TJP1: variants seen among roughly 807,000 people sequenced by gnomAD.
The protein encoded by TJP1 is tight junction protein 1.
In TJP1, 43 loss-of-function variants were observed where a neutral mutation model predicts 194.2. That is an observed-to-expected ratio of 0.22 (90% confidence interval 0.17 to 0.29). TJP1 has a LOEUF of 0.29. Ranked by LOEUF, TJP1 falls within the 10% of genes least tolerant of loss-of-function variation. The probability of loss-of-function intolerance (pLI) is 1.00; values close to 1 mark genes in which losing one functional copy is unlikely to be tolerated. For synonymous variants in TJP1, 801 were observed against 779.0 expected, an observed-to-expected ratio of 1.03 and a Z score of -0.47; for missense variants, 1,971 against 2,185.7, an observed-to-expected ratio of 0.90 and a Z score of 1.96.
At chr15:29,760,137 T>A in intron 8 of TJP1, 1 of 688,342 alleles carries the variant, frequency 1.5e-6, no homozygotes, top group African/African-American at 1.8e-5. Context: ...CCTGGACTCA[T>A]GTTTCAAGTG....
intron 2 of TJP1, among the ~76,000 whole-genome samples, chr15:29,868,153 G>A (rs550350039): frequency 2.6e-5 from 4 of 152,014 alleles, no homozygotes; most frequent in Admixed American, 1.3e-4. Context: ...GAGCCTATAA[G>A]TTCAAAGTTA....
intron 1 of TJP1, among the ~76,000 whole-genome samples, chr15:29,966,985 T>C (rs2056356198): frequency 6.6e-6 from 1 of 152,042 alleles, no homozygotes; most frequent in African/African-American, 2.4e-5. Context: ...GTCTTCTAAG[T>C]GTTGTCACTT....
intron 20 of TJP1, 104 bp from the exon 21 acceptor site, chr15:29,719,242 G>T: frequency 1.5e-6 from 2 of 1,299,458 alleles, no homozygotes; most frequent in South Asian, 1.5e-5. Flanking sequence ...ATGTGAAAAT[G>T]GTATGTTTTA....
chr15:29,875,807 G>C (rs1206171686), intron 2 of TJP1, among the ~76,000 whole-genome samples: 1 of 152,012 alleles, frequency 6.6e-6, no homozygotes, highest in Non-Finnish European at 1.5e-5. Flanking sequence ...CTTGTGATCT[G>C]CCCGCCTCGG....
At chr15:29,848,922 T>C (rs1220973187) in intron 2 of TJP1, among the ~76,000 whole-genome samples, 2 of 152,110 alleles carry the variant, frequency 1.3e-5, no homozygotes, top group East Asian at 3.9e-4. Flanking sequence ...TTTAAATATA[T>C]GGAGAACTGA....
chr15:29,893,993 A>T (rs1186666610), intron 2 of TJP1, among the ~76,000 whole-genome samples: 6 of 152,208 alleles, frequency 3.9e-5, no homozygotes, highest in Non-Finnish European at 8.8e-5. Context: ...AGGAAGCAAC[A>T]TTTATCTAAC....
At chr15:29,761,116 T>C (rs1347525076) in intron 8 of TJP1, 23 bp downstream of exon 8, 1 of 1,561,108 alleles carries the variant, frequency 6.4e-7, no homozygotes, top group Admixed American at 2.1e-5. Context: ...CCCTGTATTT[T>C]TTAAAAAAAT....
At chr15:29,951,114 A>G (rs887742331) in intron 2 of TJP1, among the ~76,000 whole-genome samples, 1 of 152,130 alleles carries the variant, frequency 6.6e-6, no homozygotes, top group Non-Finnish European at 1.5e-5. Context: ...TTCATCTTCG[A>G]TATCTTCACA....
chr15:29,792,818 C>A (rs760318570), intron 2 of TJP1, among the ~76,000 whole-genome samples: 18 of 152,136 alleles, frequency 1.2e-4, no homozygotes, highest in Non-Finnish European at 2.4e-4. Flanking sequence ...TTGTAGAAAT[C>A]TTTCACTTCT....
intron 2 of TJP1, among the ~76,000 whole-genome samples, chr15:29,904,051 G>C (rs1321513917): frequency 6.6e-6 from 1 of 152,124 alleles, no homozygotes; most frequent in East Asian, 1.9e-4. Flanking sequence ...TACTTCACCA[G>C]CTGAACTCCT....
At chr15:29,708,425 C>T in intron 25 of TJP1, 134 bp downstream of exon 25, 1 of 741,300 alleles carries the variant, frequency 1.3e-6, no homozygotes, top group Non-Finnish European at 2.3e-6. Context: ...TAACAGCATT[C>T]ATTGCAACAA....
At chr15:29,930,878 T>C (rs924032601) in intron 2 of TJP1, among the ~76,000 whole-genome samples, 8 of 152,160 alleles carry the variant, frequency 5.3e-5, no homozygotes, top group Non-Finnish European at 1.0e-4. Flanking sequence ...GGTTATAACC[T>C]GAAAATACAA....
chr15:29,795,055 A>C (rs1207484545), intron 2 of TJP1, among the ~76,000 whole-genome samples: 1 of 152,218 alleles, frequency 6.6e-6, no homozygotes, highest in Non-Finnish European at 1.5e-5. Context: ...CAAAATTAAA[A>C]ATAAGGGAAT....
At chr15:29,796,975 AAT>A (rs1387879910) in intron 2 of TJP1, among the ~76,000 whole-genome samples, 2 of 152,122 alleles carry the variant, frequency 1.3e-5, no homozygotes, top group Non-Finnish European at 1.5e-5. Context: ...AAAAAAAAAA[AAT>A]CTCTCTGCCC....
At chr15:29,785,065 T>C (rs2047616042) in intron 2 of TJP1, among the ~76,000 whole-genome samples, 1 of 152,212 alleles carries the variant, frequency 6.6e-6, no homozygotes, top group African/African-American at 2.4e-5. Context: ...TTCTCATCTA[T>C]CTTCAACGTA....
At chr15:29,848,676 T>C (rs2051515049) in intron 2 of TJP1, among the ~76,000 whole-genome samples, 1 of 151,590 alleles carries the variant, frequency 6.6e-6, no homozygotes, top group Non-Finnish European at 1.5e-5. Flanking sequence ...CTGGCCAACA[T>C]GGTGAAACCC....
intron 19 of TJP1, 23 bp from the exon 20 acceptor site, chr15:29,720,039 T>C (rs759728688): frequency 1.1e-5 from 17 of 1,571,960 alleles, no homozygotes; most frequent in East Asian, 2.2e-5. Context: ...TAAAATATTT[T>C]AAATATAGTG....
At chr15:29,725,971 A>G (rs2043214439) in intron 18 of TJP1, among the ~76,000 whole-genome samples, 1 of 152,184 alleles carries the variant, frequency 6.6e-6, no homozygotes, top group Non-Finnish European at 1.5e-5. Flanking sequence ...TCTTAGAGCA[A>G]GTCCTGAATT....
intron 2 of TJP1, among the ~76,000 whole-genome samples, chr15:29,855,728 C>T (rs2051822360): frequency 2.6e-5 from 4 of 151,958 alleles, no homozygotes; most frequent in South Asian, 2.1e-4. Context: ...TGGTGGCACG[C>T]GCCTGTAATC....
Sources: gnomAD v4.1 joint callset for allele counts (sites outside exome capture counted in the v4.1 genomes callset) on GRCh38, gnomAD v4.1.1 for gene constraint, MANE v1.5 for transcripts, NCBI Gene and HGNC (gene_info 2026-07-23, HGNC 2026-07-21) for gene names.